Variants in GABRB2 observed in about 807,000 individuals in gnomAD.
The protein encoded by GABRB2 is gamma-aminobutyric acid receptor subunit beta-2.
In GABRB2, 16 loss-of-function variants were observed where a neutral mutation model predicts 54.7. That is an observed-to-expected ratio of 0.29 (90% CI 0.20 to 0.44). The LOEUF (loss-of-function observed/expected upper bound fraction) is 0.44, where lower values mean the gene tolerates loss of function less well. Ranked by LOEUF, GABRB2 falls within the 20% of genes least tolerant of loss-of-function variation. GABRB2 has a pLI of 1.00. For synonymous variants in GABRB2, 244 were observed against 233.8 expected, an observed-to-expected ratio of 1.04 and a Z score of -0.40; for missense variants, 355 against 644.0, an observed-to-expected ratio of 0.55 and a Z score of 4.86.
chr5:161,363,391 T>C (rs1462138793), intron 5 of GABRB2, among the ~76,000 whole-genome samples: 1 of 151,982 alleles, frequency 6.6e-6, no homozygotes, highest in Non-Finnish European at 1.5e-5. Context: ...GCTGGGGGGC[T>C]GAGGGAGGGA....
In GABRB2 at chr5:161,496,204, C is replaced by T. The variant is rs112741259; in HGVS notation, c.238-36360G>A. Among the ~76,000 whole-genome samples the T allele has an allele frequency of 3.0e-3, 451 of 152,212 alleles. 3 individuals are homozygous for T. The highest frequency in any genetic ancestry group is 5.0e-3 in the Non-Finnish European group (342 of 68,000). ...ATTTGACTTTGAACTAATTATGCAA[C>T]CTCCCCAGCTCTTTTTTCCTACCCA... On this transcript the variant is annotated intron_variant, in intron 3 of 9. Coordinates refer to ENST00000393959, the MANE Select transcript of GABRB2 (RefSeq NM_001371727.1).
chr5:161,490,347 G>A (rs1425599319), intron 3 of GABRB2, among the ~76,000 whole-genome samples: 1 of 151,612 alleles, frequency 6.6e-6, no homozygotes, highest in Non-Finnish European at 1.5e-5. Context: ...TGAGAATTCA[G>A]GGTTAGAGCC....
chr5:161,432,422 G>A (rs545540248), intron 4 of GABRB2, among the ~76,000 whole-genome samples: 1 of 152,274 alleles, frequency 6.6e-6, no homozygotes, highest in African/African-American at 2.4e-5. Context: ...TCATTTCCAA[G>A]TCAAATGGAT....
At chr5:161,320,665 A>G (rs1264586339) in intron 9 of GABRB2, among the ~76,000 whole-genome samples, 1 of 151,776 alleles carries the variant, frequency 6.6e-6, no homozygotes, top group Admixed American at 6.6e-5. Context: ...TTTTCCCATG[A>G]CTTTATTTAG....
At chr5:161,367,424 T>G (rs1755001559) in intron 5 of GABRB2, among the ~76,000 whole-genome samples, 1 of 152,220 alleles carries the variant, frequency 6.6e-6, no homozygotes, top group African/African-American at 2.4e-5. Context: ...ATTGTTGTTA[T>G]TATTGTTGAA....
intron 5 of GABRB2, among the ~76,000 whole-genome samples, chr5:161,337,767 A>G (rs1453887428): frequency 6.6e-6 from 1 of 152,118 alleles, no homozygotes; most frequent in Non-Finnish European, 1.5e-5. Context: ...TATTAATAAT[A>G]TCTTACAAAT....
chr5:161,403,186 A>C (rs1474536784), intron 5 of GABRB2, among the ~76,000 whole-genome samples: 3 of 152,160 alleles, frequency 2.0e-5, no homozygotes, highest in Admixed American at 6.5e-5. Flanking sequence ...TATTGGACTG[A>C]AGAGAATCAG....
intron 3 of GABRB2, among the ~76,000 whole-genome samples, chr5:161,510,183 G>T (rs369622602): frequency 6.6e-6 from 1 of 151,598 alleles, no homozygotes; most frequent in South Asian, 2.1e-4. Context: ...TATGACTATA[G>T]TTACTCATTG....
chr5:161,335,465 C>A (rs947362496), intron 6 of GABRB2, among the ~76,000 whole-genome samples: 1 of 151,944 alleles, frequency 6.6e-6, no homozygotes, highest in African/African-American at 2.4e-5. Flanking sequence ...AGGTGGAGAC[C>A]CATTGCATTT....
At chr5:161,425,895 A>G (rs1262342924) in intron 4 of GABRB2, among the ~76,000 whole-genome samples, 1 of 152,156 alleles carries the variant, frequency 6.6e-6, no homozygotes, top group Non-Finnish European at 1.5e-5. Flanking sequence ...CGAATTTCTC[A>G]TAATTGCTTG....
Position 161,418,341 on chromosome 5 carries a change from T to C in GABRB2, c.459-7284A>G, listed in dbSNP as rs537384592. On this transcript the variant is annotated intron_variant, in intron 4 of 9. Transcript: ENST00000393959. ...CATTCCTGGCGGTCTCATCTATAGG[T>C]ACTTTGTTTATCTCAGAGGTGAGAA... 5.6e-4 allele frequency among the ~76,000 whole-genome samples: 86 copies of C among 152,338 alleles called. 1 individual carries two copies. The highest frequency in any genetic ancestry group is 5.0e-3 in the Admixed American group (77 of 15,308).
chr5:161,530,621 T>C (rs933311917), intron 3 of GABRB2, among the ~76,000 whole-genome samples: 13 of 152,150 alleles, frequency 8.5e-5, no homozygotes, highest in African/African-American at 3.1e-4. Context: ...AATTGCAGTC[T>C]AAGATAAAGC....
intron 5 of GABRB2, among the ~76,000 whole-genome samples, chr5:161,363,091 C>A (rs140917419): frequency 1.8e-4 from 27 of 152,088 alleles, no homozygotes; most frequent in African/African-American, 3.6e-4. Flanking sequence ...ATGTTAATTG[C>A]GGCACTGTTC....
intron 3 of GABRB2, among the ~76,000 whole-genome samples, chr5:161,473,351 G>C (rs1758500241): frequency 6.6e-6 from 1 of 152,006 alleles, no homozygotes; most frequent in African/African-American, 2.4e-5. Context: ...AAGTTGGGCA[G>C]TAGGCCATGA....
chr5:161,400,555 T>A (rs1756154328), intron 5 of GABRB2, among the ~76,000 whole-genome samples: 1 of 152,094 alleles, frequency 6.6e-6, no homozygotes. Context: ...ATTAGAAACT[T>A]AAAAGAAGGT....
chr5:161,450,297 C>T (rs1276000738), intron 4 of GABRB2, among the ~76,000 whole-genome samples: 2 of 152,018 alleles, frequency 1.3e-5, no homozygotes, highest in Admixed American at 1.3e-4. Flanking sequence ...CAAGGAGATC[C>T]ATTGGCTACC....
At chr5:161,351,615 G>A (rs1270370811) in intron 5 of GABRB2, among the ~76,000 whole-genome samples, 2 of 151,990 alleles carry the variant, frequency 1.3e-5, no homozygotes, top group Non-Finnish European at 2.9e-5. Flanking sequence ...AACAAAGCGG[G>A]AAAAGCTCCA....
chr5:161,536,234 G>A (rs72815523), intron 3 of GABRB2, among the ~76,000 whole-genome samples: 5 of 152,172 alleles, frequency 3.3e-5, no homozygotes, highest in East Asian at 1.9e-4. Context: ...AATGTTGAGC[G>A]CTGTACGAAA....
chr5:161,360,237 A>C (rs1754769097), intron 5 of GABRB2, among the ~76,000 whole-genome samples: 1 of 152,252 alleles, frequency 6.6e-6, no homozygotes, highest in East Asian at 1.9e-4. Context: ...GCTCTTTAGA[A>C]AAAAAAATGA....
Sources: gnomAD v4.1 joint callset for allele counts (sites outside exome capture counted in the v4.1 genomes callset) on GRCh38, gnomAD v4.1.1 for gene constraint, MANE v1.5 for transcripts, NCBI Gene and HGNC (gene_info 2026-07-23, HGNC 2026-07-21) for gene names.